UGT1A10: variants seen among roughly 807,000 people sequenced by gnomAD.
The protein encoded by UGT1A10 is UDP glucuronosyltransferase family 1 member A10, also known as UDP-glucuronosyltransferase 1A10.
A neutral mutation model predicts 45.8 loss-of-function variants in UGT1A10; 49 were observed. The observed-to-expected ratio is 1.07, with a 90% confidence interval of 0.85 to 1.36. The LOEUF (loss-of-function observed/expected upper bound fraction) is 1.36. UGT1A10 is among the 40% of genes most tolerant of loss of function. UGT1A10 has a pLI of 0.00. For missense variants in UGT1A10, 745 were observed against 668.6 expected, an observed-to-expected ratio of 1.11 and a Z score of -1.26; for synonymous variants, 284 against 249.7, an observed-to-expected ratio of 1.14 and a Z score of -1.29.
At chr2:233,740,343 G>A (rs1691372843) in intron 1 of UGT1A10, among the ~76,000 whole-genome samples, 1 of 151,960 alleles carries the variant, frequency 6.6e-6, no homozygotes, top group African/African-American at 2.4e-5. Flanking sequence ...AAGTTGATGA[G>A]AAAGTGGAAT....
chr2:233,736,812 A>G (rs2078811468), intron 1 of UGT1A10, among the ~76,000 whole-genome samples: 1 of 152,062 alleles, frequency 6.6e-6, no homozygotes, highest in South Asian at 2.1e-4. Context: ...CTGGAGGTCC[A>G]CTCCAGATGC....
chr2:233,664,137 A>C (rs6760588), intron 1 of UGT1A10, among the ~76,000 whole-genome samples: 41,828 of 152,050 alleles, frequency 0.28, 6,051 homozygotes, highest in East Asian at 0.52. Context: ...CCTTTGCTCA[A>C]GTTCCAAATA....
chr2:233,659,945 A>G lies in UGT1A10; in HGVS notation c.855+22568A>G, dbSNP rs558382346. ...TCAAAAGCACTCATCTCATCAAGTC[A>G]TCTTCTGTTAATTCCTCAGGTGTGG... On this transcript the variant is annotated intron_variant, in intron 1 of 4. Transcript: ENST00000344644. 2.6e-5 allele frequency among the ~76,000 whole-genome samples: 4 copies of G among 152,288 alleles called. No individual in the cohort carries two copies. In the East Asian group the frequency reaches 7.7e-4, roughly 29 times the overall value.
chr2:233,771,824 C>T (rs981905786), intron 4 of UGT1A10, among the ~76,000 whole-genome samples: 9 of 144,512 alleles, frequency 6.2e-5, no homozygotes, highest in Non-Finnish European at 1.4e-4. Context: ...TCCTTGCTTC[C>T]TTCCCTCCTT....
chr2:233,747,691 T>A, intron 1 of UGT1A10: 3 of 1,611,090 alleles, frequency 1.9e-6, no homozygotes, highest in Non-Finnish European at 2.5e-6. Context: ...TGTGGGGCAG[T>A]GCTGGCTAAG....
chr2:233,714,781 C>T (rs2076411817), intron 1 of UGT1A10, among the ~76,000 whole-genome samples: 1 of 152,136 alleles, frequency 6.6e-6, no homozygotes, highest in Non-Finnish European at 1.5e-5. Flanking sequence ...TTTGGAATAG[C>T]CACATTTCAA....
intron 1 of UGT1A10, chr2:233,681,879 A>C: frequency 6.5e-7 from 1 of 1,550,086 alleles, no homozygotes; most frequent in Non-Finnish European, 8.7e-7. Flanking sequence ...TACTTCTTCC[A>C]CTTACTATAT....
chr2:233,672,717 T>C, intron 1 of UGT1A10: 1 of 1,613,942 alleles, frequency 6.2e-7, no homozygotes, highest in Non-Finnish European at 8.5e-7. Flanking sequence ...TTTTGGACTA[T>C]CCCAAACCCG....
At chr2:233,675,542 A>G (rs1416718501) in intron 1 of UGT1A10, among the ~76,000 whole-genome samples, 1 of 152,114 alleles carries the variant, frequency 6.6e-6, no homozygotes, top group Non-Finnish European at 1.5e-5. Flanking sequence ...TTGCTGTAAG[A>G]TTCTGGCTAT....
chr2:233,692,100 T>G (rs2075078223), intron 1 of UGT1A10: 1 of 152,182 alleles, frequency 6.6e-6, no homozygotes, highest in African/African-American at 2.4e-5. Flanking sequence ...TGATCACCGA[T>G]GGGCAACAAT....
chr2:233,761,973 C>T (rs557947533), intron 1 of UGT1A10, among the ~76,000 whole-genome samples: 2 of 152,314 alleles, frequency 1.3e-5, no homozygotes, highest in East Asian at 3.9e-4. Flanking sequence ...ACTGATATCA[C>T]CTTCGGAGGT....
rs562937698 is a variant in UGT1A10, at chr2:233,648,665, C to T, written c.855+11288C>T. 3.7e-4 allele frequency: 102 copies of T among 278,920 alleles called. 1 individual carries two copies. The highest frequency in any genetic ancestry group is 2.0e-3 in the African/African-American group (88 of 44,842). 17.3% of individuals were successfully genotyped at this position (278,920 alleles called of 1,614,324 possible). ...ATTTTTAGTGGAGACGGGGTTTCAC[C>T]GTGTTAGCCAGGATGGTCTCGATCT... On this transcript the variant is annotated intron_variant, in intron 1 of 4. Transcript: ENST00000344644.
At chr2:233,712,536 G>A (rs888571538) in intron 1 of UGT1A10, among the ~76,000 whole-genome samples, 10 of 152,228 alleles carry the variant, frequency 6.6e-5, no homozygotes, top group African/African-American at 2.4e-4. Context: ...TTACCCATAT[G>A]TGGGAAGAAA....
At chr2:233,747,700 A>T (rs538337941) in intron 1 of UGT1A10, 1 of 1,612,078 alleles carries the variant, frequency 6.2e-7, no homozygotes, top group African/African-American at 1.3e-5. Context: ...GTGCTGGCTA[A>T]GTACCTATCA....
At chr2:233,755,578 G>A (rs931050095) in intron 1 of UGT1A10, 38 of 160,002 alleles carry the variant, frequency 2.4e-4, no homozygotes, top group Non-Finnish European at 4.7e-4. Flanking sequence ...GGAAAAGAGA[G>A]GGCCTTGACT....
At chr2:233,744,136 G>C (rs1692703742) in intron 1 of UGT1A10, 1 of 352,210 alleles carries the variant, frequency 2.8e-6, no homozygotes, top group East Asian at 7.7e-5. Flanking sequence ...GTGAGGCCCT[G>C]TGATGCTCCA....
At chr2:233,699,073 C>T (rs1349522020) in intron 1 of UGT1A10, among the ~76,000 whole-genome samples, 1 of 152,198 alleles carries the variant, frequency 6.6e-6, no homozygotes, top group African/African-American at 2.4e-5. Context: ...CTGCCCAGGG[C>T]CTTCTCTCTA....
intron 1 of UGT1A10, among the ~76,000 whole-genome samples, chr2:233,658,814 C>T (rs777634793): frequency 5.3e-5 from 8 of 152,202 alleles, no homozygotes; most frequent in African/African-American, 1.2e-4. Context: ...GGACTTTCTA[C>T]TCTGTTCCAT....
At chr2:233,642,739 C>T (rs903545249) in intron 1 of UGT1A10, among the ~76,000 whole-genome samples, 2 of 152,214 alleles carry the variant, frequency 1.3e-5, no homozygotes, top group African/African-American at 4.8e-5. Flanking sequence ...CACCCCAAGC[C>T]TAGTAACGCT....
Sources: allele counts gnomAD v4.1 joint callset (sites outside exome capture counted in the v4.1 genomes callset), GRCh38; gene constraint gnomAD v4.1.1; transcripts MANE v1.5; gene names NCBI Gene and HGNC (gene_info 2026-07-23, HGNC 2026-07-21).